Variants in ACSM3 observed in about 807,000 individuals in gnomAD.
ACSM3 encodes acyl-coenzyme A synthetase ACSM3, mitochondrial.
A neutral mutation model predicts 74.1 loss-of-function variants in ACSM3; 61 were observed. That is an observed-to-expected ratio of 0.82 (90% confidence interval 0.67 to 1.02). The LOEUF is 1.02. ACSM3 is among the 50% of genes least tolerant of loss of function. The probability of loss-of-function intolerance (pLI) is 0.00; values close to 1 mark genes in which losing one functional copy is unlikely to be tolerated. For synonymous variants in ACSM3, 213 were observed against 241.5 expected (o/e 0.88, Z 1.09); for missense variants, 660 against 697.0 (o/e 0.95, Z 0.60).
At position 20,685,269 on chromosome 16, in the gene ACSM3, T is replaced by C. The variant is rs752746472; in HGVS notation, c.-190+10447T>C. The C allele has an allele frequency of 1.1e-5, 18 of 1,614,086 alleles. No individual in the cohort carries two copies. In the African/African-American group the frequency reaches 1.6e-4, roughly 14 times the overall value. ...GCATCAAGGCCAGATGGTCTCCCTG[T>C]TGTAGGCCACAGGTCTGTGTGAAGA... On this transcript the variant is annotated intron_variant, in intron 1 of 3. Transcript: ENST00000561584.
At chr16:20,789,964 G>A (rs2080561110) in intron 9 of ACSM3, among the ~76,000 whole-genome samples, 1 of 151,950 alleles carries the variant, frequency 6.6e-6, no homozygotes, top group Non-Finnish European at 1.5e-5. Flanking sequence ...ATGAGCCACT[G>A]CGCCCAGCCA....
intron 1 of ACSM3, among the ~76,000 whole-genome samples, chr16:20,696,608 G>C (rs900656549): frequency 4.6e-5 from 7 of 152,190 alleles, no homozygotes; most frequent in Non-Finnish European, 8.8e-5. Context: ...TACCCTGTTA[G>C]AGCATATCAT....
chr16:20,705,234 G>A lies in ACSM3; in HGVS notation c.-190+30412G>A, dbSNP rs191308994. On this transcript the variant is annotated intron_variant, in intron 1 of 3. Transcript: ENST00000561584. ...GAAAATACAAACAAATTAGCCAGGC[G>A]TAGTGGTGGGCACCTGTAGTCCCAG... Among the ~76,000 whole-genome samples the A allele has an allele frequency of 2.5e-4, 38 of 152,238 alleles. No individual in the cohort carries two copies. The East Asian group carries it at 5.6e-3, about 22-fold the overall frequency.
At chr16:20,767,291 G>A (rs1321904766) in intron 1 of ACSM3, among the ~76,000 whole-genome samples, 1 of 16,264 alleles carries the variant, frequency 6.1e-5, no homozygotes, top group Non-Finnish European at 1.9e-4. Context: ...GCCGAGGCGG[G>A]CGGATCACGA....
chr16:20,726,369 T>A (rs2079806070), intron 1 of ACSM3, among the ~76,000 whole-genome samples: 1 of 152,194 alleles, frequency 6.6e-6, no homozygotes, highest in South Asian at 2.1e-4. Context: ...GGCTTGTCCA[T>A]CCTCTTTTGC....
intron 1 of ACSM3, among the ~76,000 whole-genome samples, chr16:20,686,892 T>A (rs2152325831): frequency 6.6e-6 from 1 of 152,058 alleles, no homozygotes; most frequent in East Asian, 1.9e-4. Flanking sequence ...GAAGACATCA[T>A]GTTGTACACC....
In ACSM3 at chr16:20,779,826, C is replaced by A. The variant is rs767101261; in HGVS notation, c.639-888C>A. 6 of 178,658 alleles carry A rather than the reference C, an allele frequency of 3.4e-5. 1 individual carries two copies. In the South Asian group the frequency reaches 4.2e-4, roughly 13 times the overall value. The allele number at this position is 178,658 out of a possible 1,614,324, so 11.1% of individuals were successfully genotyped here. On this transcript the variant is annotated intron_variant, in intron 4 of 13. Transcript: ENST00000289416. ...TTTCTCTGTCACCCAGGCTGGAGTA[C>A]GGTGGCTCGATCTTGGCTCACTGCA...
intron 3 of ACSM3, among the ~76,000 whole-genome samples, chr16:20,756,248 C>T (rs1352300649): frequency 6.6e-6 from 1 of 151,828 alleles, no homozygotes; most frequent in African/African-American, 2.4e-5. Context: ...ACAGTCCCAC[C>T]AACAGTGTAA....
rs764724285 is a variant in ACSM3 at position 20,776,053 on chromosome 16, A to G, written c.430+4A>G. On this transcript the variant is annotated splice_donor_region_variant and intron_variant, in intron 3 of 13. Coordinates refer to ENST00000289416, the MANE Select transcript of ACSM3 (RefSeq NM_005622.4). ...AATGTGGCCTGTCTGCGAACAGGTT[A>G]GTAATGTTTGCTTTCCGATCATATT... The G allele has an allele frequency of 1.2e-6, 2 of 1,613,964 alleles. No homozygotes were observed. Among genetic ancestry groups the G allele is most frequent in the African/African-American group, 1.3e-5 (1 of 75,046 alleles).
At chr16:20,752,797 T>C (rs758745576) in intron 2 of ACSM3, among the ~76,000 whole-genome samples, 3 of 152,354 alleles carry the variant, frequency 2.0e-5, no homozygotes, top group Non-Finnish European at 4.4e-5. Flanking sequence ...GGTGATGCCT[T>C]AACATCACAA....
Position 20,797,304 on chromosome 16 carries a change from A to G in ACSM3, c.*332A>G. The stretch of plus-strand genomic sequence containing the variant: ...AAACTTTAGTTGACTAATTCTTCTG[A>G]TATGTTGATATACAAATCAGAACCA... On this transcript the variant is annotated 3_prime_UTR_variant, in exon 14 of 14. Transcript: ENST00000289416. The G allele has an allele frequency of 9.7e-7, 1 of 1,033,646 alleles. No homozygotes were observed. The highest frequency in any genetic ancestry group is 1.7e-5 in the African/African-American group (1 of 58,612). 64.0% of individuals were successfully genotyped at this position (1,033,646 alleles called of 1,614,324 possible).
At chr16:20,787,565 G>T (rs2080501253) in intron 9 of ACSM3, among the ~76,000 whole-genome samples, 1 of 152,218 alleles carries the variant, frequency 6.6e-6, no homozygotes, top group Admixed American at 6.5e-5. Flanking sequence ...GAAATCTTGT[G>T]ATTTTAACAA....
At chr16:20,755,348 T>C (rs1466429821) in intron 2 of ACSM3, among the ~76,000 whole-genome samples, 2 of 152,104 alleles carry the variant, frequency 1.3e-5, no homozygotes, top group Non-Finnish European at 2.9e-5. Context: ...ATGACAGAAA[T>C]GTTAGAATCA....
At chr16:20,686,461 G>A (rs1001810762) in intron 1 of ACSM3, among the ~76,000 whole-genome samples, 8 of 152,062 alleles carry the variant, frequency 5.3e-5, no homozygotes, top group Non-Finnish European at 7.4e-5. Context: ...ACACACTGGG[G>A]CCAGTCTGAC....
chr16:20,780,410 C>T (rs1020636891), intron 4 of ACSM3: 2 of 537,186 alleles, frequency 3.7e-6, no homozygotes, highest in African/African-American at 3.8e-5. Context: ...ACTCCTTACT[C>T]TGCTGGAGGT....
chr16:20,761,717 A>G (rs2080078393), upstream of ACSM3, among the ~76,000 whole-genome samples: 10 of 152,190 alleles, frequency 6.6e-5, no homozygotes, highest in Admixed American at 5.9e-4. Context: ...GCAGTCTCCT[A>G]AGAGATAGAA....
chr16:20,682,399 C>T, intron 1 of ACSM3: 8 of 1,613,778 alleles, frequency 5.0e-6, no homozygotes, highest in Non-Finnish European at 6.8e-6. Flanking sequence ...TGGCTTTAGA[C>T]AACTGTAGTC....
At chr16:20,735,410 G>C (rs1020335127) in intron 1 of ACSM3, 4 of 150,956 alleles carry the variant, frequency 2.6e-5, no homozygotes, top group African/African-American at 9.7e-5. Context: ...TGCATAAATG[G>C]GTCTTTGATA....
chr16:20,742,348 T>A (rs576024955), intron 1 of ACSM3, among the ~76,000 whole-genome samples: 101 of 152,094 alleles, frequency 6.6e-4, no homozygotes, highest in African/African-American at 2.4e-3. Flanking sequence ...CTCATGCCAA[T>A]CAACGCATTA....
Sources: gnomAD v4.1 joint callset for allele counts (sites outside exome capture counted in the v4.1 genomes callset) on GRCh38, gnomAD v4.1.1 for gene constraint, MANE v1.5 for transcripts, NCBI Gene and HGNC (gene_info 2026-07-23, HGNC 2026-07-21) for gene names.